SLC68A1: variants seen among roughly 807,000 people sequenced by gnomAD.
SLC68A1 encodes the protein major facilitator superfamily domain containing 13A.
the SLC68A1 span, among the ~76,000 whole-genome samples, chr10:102,465,550 G>T: frequency 3.3e-5 from 5 of 152,194 alleles, no homozygotes; most frequent in Admixed American, 3.3e-4. Flanking sequence ...CCACTTTGTG[G>T]GCGAGGAGCC....
At chr10:102,471,476 T>C in the SLC68A1 span, 1 of 1,562,286 alleles carries the variant, frequency 6.4e-7, no homozygotes, top group South Asian at 1.2e-5. Context: ...AGCTGGGAAC[T>C]TGGCCACGCA....
At chr10:102,473,769 C>T in the SLC68A1 span, 1 of 1,607,256 alleles carries the variant, frequency 6.2e-7, no homozygotes, top group Non-Finnish European at 8.5e-7. Flanking sequence ...CTCCCCGCAA[C>T]ACCTCCATCC....
the SLC68A1 span, chr10:102,476,802 G>A: frequency 2.0e-6 from 2 of 985,858 alleles, no homozygotes; most frequent in Non-Finnish European, 2.4e-6. Context: ...GGCCGCTGTG[G>A]TGGACTCAGG....
the SLC68A1 span, chr10:102,472,134 G>A: frequency 2.4e-6 from 1 of 411,474 alleles, no homozygotes; most frequent in East Asian, 7.6e-5. Context: ...CTGCACTCCA[G>A]CCTGGGCGGC....
chr10:102,473,441 A>G, the SLC68A1 span: 1 of 934,884 alleles, frequency 1.1e-6, no homozygotes, highest in Admixed American at 2.4e-5. Flanking sequence ...GAACTAAGAC[A>G]GTGAAGCTCT....
the SLC68A1 span, among the ~76,000 whole-genome samples, chr10:102,462,870 T>C: frequency 6.7e-6 from 1 of 148,386 alleles, no homozygotes; most frequent in Admixed American, 6.6e-5. Flanking sequence ...ATGATCACTA[T>C]TCTTCTTTGT....
the SLC68A1 span, chr10:102,468,200 C>G: frequency 2.6e-5 from 4 of 152,322 alleles, no homozygotes; most frequent in African/African-American, 7.2e-5. Context: ...CTTATCAATA[C>G]CAACAGTGAG....
At chr10:102,470,265 C>G in the SLC68A1 span, among the ~76,000 whole-genome samples, 6 of 151,378 alleles carry the variant, frequency 4.0e-5, no homozygotes, top group Middle Eastern at 3.4e-3. Flanking sequence ...CGTACACTTG[C>G]CTGGCTCGGC....
chr10:102,464,212 A>C, the SLC68A1 span, among the ~76,000 whole-genome samples: 1 of 152,196 alleles, frequency 6.6e-6, no homozygotes, highest in Non-Finnish European at 1.5e-5. Flanking sequence ...GCACTTCAGG[A>C]GGCCAAGGCG....
the SLC68A1 span, among the ~76,000 whole-genome samples, chr10:102,466,677 G>T: frequency 6.6e-6 from 1 of 152,112 alleles, no homozygotes; most frequent in African/African-American, 2.4e-5. Context: ...CTTCTACCCA[G>T]TGTGGGTGCA....
At chr10:102,464,231 G>A in the SLC68A1 span, among the ~76,000 whole-genome samples, 1 of 151,994 alleles carries the variant, frequency 6.6e-6, no homozygotes, top group Non-Finnish European at 1.5e-5. Context: ...CGGGCGGATT[G>A]CTTGAGGTCA....
the SLC68A1 span, chr10:102,475,650 A>G: frequency 2.0e-6 from 3 of 1,509,190 alleles, no homozygotes; most frequent in South Asian, 1.3e-5. Context: ...ATGTCACACC[A>G]TAGACTTGGA....
the SLC68A1 span, chr10:102,476,879 T>G: frequency 1.0e-6 from 1 of 985,468 alleles, no homozygotes; most frequent in Non-Finnish European, 1.2e-6. Context: ...AAGTCCCACC[T>G]CCCACTCCGT....
chr10:102,470,737 G>GCTGGCGCTGTCGTTC, the SLC68A1 span: 2 of 1,613,742 alleles, frequency 1.2e-6, no homozygotes, highest in Non-Finnish European at 1.7e-6. Context: ...ATGGGCCGCT[G>GCTGGCGCTGTCGTTC]CTGGCGCTGT....
chr10:102,472,141 C>T, the SLC68A1 span: 36 of 401,778 alleles, frequency 9.0e-5, no homozygotes, highest in South Asian at 1.4e-4. Context: ...CCAGCCTGGG[C>T]GGCAGAGAAA....
the SLC68A1 span, chr10:102,476,738 G>A: frequency 1.0e-6 from 1 of 986,260 alleles, no homozygotes; most frequent in South Asian, 4.7e-5. Flanking sequence ...GCCCTGTGGT[G>A]CACACAGGCC....
the SLC68A1 span, chr10:102,475,837 C>T: frequency 2.5e-6 from 4 of 1,614,084 alleles, no homozygotes; most frequent in Non-Finnish European, 2.5e-6. Context: ...GCTGCTTCTA[C>T]CTGCTGGTGC....
the SLC68A1 span, chr10:102,471,186 C>A: frequency 1.3e-6 from 2 of 1,491,888 alleles, no homozygotes; most frequent in Non-Finnish European, 1.8e-6. Flanking sequence ...GGTGCTGGGT[C>A]CCCGGCTGAT....
At chr10:102,462,655 G>A in the SLC68A1 span, among the ~76,000 whole-genome samples, 1 of 152,040 alleles carries the variant, frequency 6.6e-6, no homozygotes, top group Admixed American at 6.6e-5. Context: ...CTGCTAGAGG[G>A]CTTCTTCCAA....
Sources: allele counts gnomAD v4.1 joint callset (sites outside exome capture counted in the v4.1 genomes callset), GRCh38; gene constraint gnomAD v4.1.1; transcripts MANE v1.5; gene names NCBI Gene and HGNC (gene_info 2026-07-23, HGNC 2026-07-21).